Variants in GREM2 observed in about 807,000 individuals in gnomAD.
GREM2 encodes the protein gremlin-2.
Under a neutral mutation model 14.2 loss-of-function variants are expected in GREM2, and 11 were observed. That is an observed-to-expected ratio of 0.78 (90% CI 0.49 to 1.28). The LOEUF is 1.28. GREM2 is among the 50% of genes most tolerant of loss of function. The probability of loss-of-function intolerance (pLI) is 0.00; values close to 1 mark genes in which losing one functional copy is unlikely to be tolerated. For missense variants in GREM2, 210 were observed against 218.5 expected, an observed-to-expected ratio of 0.96 and a Z score of 0.24; for synonymous variants, 98 against 97.6, an observed-to-expected ratio of 1.00 and a Z score of -0.02.
intron 1 of GREM2, among the ~76,000 whole-genome samples, chr1:240,564,952 G>A (rs920188919): frequency 6.6e-6 from 1 of 152,166 alleles, no homozygotes; most frequent in Admixed American, 6.5e-5. Context: ...TCCAGGACTG[G>A]AACCCTTTCA....
chr1:240,571,998 A>T (rs1484356222), intron 1 of GREM2, among the ~76,000 whole-genome samples: 1 of 152,172 alleles, frequency 6.6e-6, no homozygotes, highest in African/African-American at 2.4e-5. Context: ...GAATTGGCCA[A>T]TTCCAGCAGG....
intron 1 of GREM2, among the ~76,000 whole-genome samples, chr1:240,515,437 T>C (rs1677932287): frequency 6.6e-6 from 1 of 152,230 alleles, no homozygotes; most frequent in Admixed American, 6.5e-5. Flanking sequence ...CCCCCTTTAA[T>C]GAGATCAAAG....
At chr1:240,581,110 C>A (rs1227602797) in intron 1 of GREM2, among the ~76,000 whole-genome samples, 1 of 151,768 alleles carries the variant, frequency 6.6e-6, no homozygotes, top group Non-Finnish European at 1.5e-5. Context: ...ATTAGCCAGG[C>A]GTAGTGGTGC....
In GREM2 at chr1:240,490,779, G is replaced by A. The variant is rs1451429007; in HGVS notation, c.*2190C>T. On this transcript the variant is annotated 3_prime_UTR_variant, in exon 2 of 2. Transcript: ENST00000318160. ...CTTAATCCCTCCCCTATCTGTGTGG[G>A]TTCCATGTTAATAAAATGATAGGGG... The A allele has an allele frequency of 6.6e-6, 1 of 152,108 alleles. No homozygotes were observed. Among genetic ancestry groups the A allele is most frequent in the East Asian group, 1.9e-4 (1 of 5,174 alleles). The allele number at this position is 152,108 out of a possible 1,614,324, so 9.4% of individuals were successfully genotyped here.
chr1:240,578,743 C>A (rs1365120531), intron 1 of GREM2, among the ~76,000 whole-genome samples: 3 of 151,660 alleles, frequency 2.0e-5, no homozygotes, highest in East Asian at 3.9e-4. Context: ...AAGATCACGC[C>A]ACTGTACTCC....
intron 1 of GREM2, among the ~76,000 whole-genome samples, chr1:240,573,360 C>T (rs1285122563): frequency 6.6e-6 from 1 of 151,878 alleles, no homozygotes; most frequent in Non-Finnish European, 1.5e-5. Context: ...AGGACAGAAT[C>T]AGTATTACTG....
At chr1:240,562,799 G>A (rs1679074700) in intron 1 of GREM2, among the ~76,000 whole-genome samples, 1 of 151,424 alleles carries the variant, frequency 6.6e-6, no homozygotes, top group Non-Finnish European at 1.5e-5. Context: ...GTGTGTATGT[G>A]AGTGTGTATG....
rs977365928 is a variant in GREM2 at position 240,490,439 on chromosome 1, G to C, written c.*2530C>G. ...TCTGAACGCATAGTGCTGCTTCACA[G>C]CTCACTGCAACAAGTCAAAAATTCC... is the stretch of plus-strand genomic sequence containing the variant. On this transcript the variant is annotated 3_prime_UTR_variant, in exon 2 of 2. Coordinates refer to ENST00000318160, the MANE Select transcript of GREM2 (RefSeq NM_022469.4). 1.3e-5 allele frequency: 2 copies of C among 152,572 alleles called. No individual in the cohort carries two copies. The highest frequency in any genetic ancestry group is 4.1e-4 in the South Asian group (2 of 4,832). The allele number at this position is 152,572 out of a possible 1,614,324, so 9.5% of individuals were successfully genotyped here. A position where few individuals can be genotyped will look rare whatever the true frequency, so the allele number is the denominator to read the frequency against.
In GREM2 at chr1:240,489,599, C is replaced by T. The variant is rs181350123; in HGVS notation, c.*3370G>A. 5 of 152,334 alleles carry T rather than the reference C, an allele frequency of 3.3e-5. No individual in the cohort carries two copies. In the East Asian group the frequency reaches 5.8e-4, roughly 18 times the overall value. 9.4% of individuals were successfully genotyped at this position (152,334 alleles called of 1,614,324 possible). ...TAGGCTGCTCTGCCTATGAAGTAGG[C>T]ATTCTTTATTCCTTTACTTTCTTAA... On this transcript the variant is annotated 3_prime_UTR_variant, in exon 2 of 2. Coordinates refer to ENST00000318160, the MANE Select transcript of GREM2 (RefSeq NM_022469.4).
intron 1 of GREM2, among the ~76,000 whole-genome samples, chr1:240,606,964 C>A (rs933847216): frequency 6.6e-6 from 1 of 152,158 alleles, no homozygotes; most frequent in Non-Finnish European, 1.5e-5. Flanking sequence ...AGGCGTGAGC[C>A]ACTGAGCCCT....
chr1:240,513,381 C>T lies in GREM2; in HGVS notation c.-1-19905G>A, dbSNP rs112194831. ...CGCGAGGTCAAGAGATCGAGATCAA[C>T]CTGGCCAACAAGGTGAAACCCCATC... is the stretch of plus-strand genomic sequence containing the variant. On this transcript the variant is annotated intron_variant, in intron 1 of 1. Coordinates refer to ENST00000318160, the MANE Select transcript of GREM2 (RefSeq NM_022469.4). Among the ~76,000 whole-genome samples the T allele has an allele frequency of 4.4e-3, 670 of 152,050 alleles. 3 individuals are homozygous for T. Among genetic ancestry groups the T allele is most frequent in the African/African-American group, 0.015 (632 of 41,482 alleles).
At chr1:240,578,164 T>C (rs1483077979) in intron 1 of GREM2, among the ~76,000 whole-genome samples, 5 of 152,134 alleles carry the variant, frequency 3.3e-5, no homozygotes, top group South Asian at 2.1e-4. Flanking sequence ...CTCACTCTGT[T>C]GCCCAGGCTG....
At chr1:240,605,515 C>A (rs975274577) in intron 1 of GREM2, among the ~76,000 whole-genome samples, 1 of 152,030 alleles carries the variant, frequency 6.6e-6, no homozygotes, top group African/African-American at 2.4e-5. Context: ...AATAAAAAAT[C>A]ACCAAGGTAA....
intron 1 of GREM2, among the ~76,000 whole-genome samples, chr1:240,563,766 C>G (rs1248320227): frequency 6.6e-6 from 1 of 152,190 alleles, no homozygotes; most frequent in Admixed American, 6.5e-5. Context: ...CCATTTTTCA[C>G]CCACTTGTTT....
chr1:240,554,247 C>G (rs1465911588), intron 1 of GREM2, among the ~76,000 whole-genome samples: 1 of 151,638 alleles, frequency 6.6e-6, no homozygotes, highest in African/African-American at 2.4e-5. Context: ...CCCATCTCTA[C>G]TAAAAATACA....
At chr1:240,607,588 A>G (rs780081885) in intron 1 of GREM2, among the ~76,000 whole-genome samples, 2 of 152,236 alleles carry the variant, frequency 1.3e-5, no homozygotes, top group Non-Finnish European at 2.9e-5. Flanking sequence ...TCTGCAGGCC[A>G]GGGGATGGTG....
In GREM2 at chr1:240,491,503, A is replaced by G. The variant is rs975573858; in HGVS notation, c.*1466T>C. ...GAAAATAAGTTACGTCTACTTCCGT[A>G]TATCAAGAGACCACAGCATGGAAAC... On this transcript the variant is annotated 3_prime_UTR_variant, in exon 2 of 2. Coordinates refer to ENST00000318160, the MANE Select transcript of GREM2 (RefSeq NM_022469.4). 2 of 152,614 alleles carry G rather than the reference A, an allele frequency of 1.3e-5. No homozygotes were observed. The highest frequency in any genetic ancestry group is 4.8e-5 in the African/African-American group (2 of 41,456). The allele number at this position is 152,614 out of a possible 1,614,324, so 9.5% of individuals were successfully genotyped here. A position where few individuals can be genotyped will look rare whatever the true frequency, so the allele number is the denominator to read the frequency against.
At chr1:240,506,906 G>A (rs1228853475) in intron 1 of GREM2, among the ~76,000 whole-genome samples, 5 of 152,212 alleles carry the variant, frequency 3.3e-5, no homozygotes, top group Non-Finnish European at 7.3e-5. Context: ...GGCTAGGGGT[G>A]AAGGAAACAT....
At chr1:240,541,514 A>C (rs1321653523) in intron 1 of GREM2, among the ~76,000 whole-genome samples, 1 of 152,122 alleles carries the variant, frequency 6.6e-6, no homozygotes, top group Non-Finnish European at 1.5e-5. Flanking sequence ...AGACTGATTG[A>C]TTTCCTAGAA....
Sources: allele counts gnomAD v4.1 joint callset (sites outside exome capture counted in the v4.1 genomes callset), GRCh38; gene constraint gnomAD v4.1.1; transcripts MANE v1.5; gene names NCBI Gene and HGNC (gene_info 2026-07-23, HGNC 2026-07-21).